The following ANXA8 variants were observed in gnomAD, a reference collection of about 807,000 sequenced individuals.
The protein encoded by ANXA8 is annexin A8, also known as VAC-beta.
Under a neutral mutation model 26.8 loss-of-function variants are expected in ANXA8, and 9 were observed. The observed-to-expected ratio is 0.34, with a 90% confidence interval of 0.20 to 0.59. ANXA8 has a LOEUF of 0.59. Among genes scored for constraint, ANXA8 ranks in the 20% least tolerant of loss-of-function variants. The pLI is 0.84. For synonymous variants in ANXA8, 39 were observed against 94.8 expected, an observed-to-expected ratio of 0.41 and a Z score of 3.42; for missense variants, 83 against 238.5, an observed-to-expected ratio of 0.35 and a Z score of 4.29.
At chr10:47,721,131 G>A in the ANXA8 span, among the ~76,000 whole-genome samples, 1 of 141,748 alleles carries the variant, frequency 7.1e-6, no homozygotes, top group African/African-American at 2.6e-5. Flanking sequence ...TTGTGCAACA[G>A]AGTGAGACCC....
chr10:47,737,619 T>G, the ANXA8 span, among the ~76,000 whole-genome samples: 6 of 151,632 alleles, frequency 4.0e-5, no homozygotes, highest in African/African-American at 1.5e-4. Flanking sequence ...TAAAATTGTT[T>G]TTCTCAGACA....
chr10:47,991,745 C>T, the ANXA8 span: 5 of 1,610,156 alleles, frequency 3.1e-6, no homozygotes, highest in African/African-American at 1.3e-5. Context: ...TGAAGAGACA[C>T]AGGTTGGCCT....
At chr10:47,991,632 C>T in the ANXA8 span, 4 of 1,611,144 alleles carry the variant, frequency 2.5e-6, no homozygotes, top group East Asian at 8.9e-5. Context: ...TGGTGACCAG[C>T]ACCCAACACC....
chr10:47,744,943 C>T, the ANXA8 span, among the ~76,000 whole-genome samples: 1 of 151,928 alleles, frequency 6.6e-6, no homozygotes, highest in Non-Finnish European at 1.5e-5. Context: ...TGTCCAATCC[C>T]ATGTAGGAGT....
At chr10:47,486,802 TA>T (rs1840057461), upstream of ANXA8, among the ~76,000 whole-genome samples, 1 of 133,794 alleles carries the variant, frequency 7.5e-6, no homozygotes, top group Admixed American at 7.7e-5. Context: ...ATAAAAACAA[TA>T]AAAAATAATA....
At chr10:47,693,633 A>G in the ANXA8 span, among the ~76,000 whole-genome samples, 1 of 151,828 alleles carries the variant, frequency 6.6e-6, no homozygotes, top group Non-Finnish European at 1.5e-5. Context: ...ATTGTAATGA[A>G]CAGGCTTAGC....
the ANXA8 span, among the ~76,000 whole-genome samples, chr10:47,657,347 A>G: frequency 2.0e-5 from 3 of 151,710 alleles, no homozygotes; most frequent in Non-Finnish European, 4.4e-5. Context: ...TAAAATTTTA[A>G]TGTTTAGAGA....
chr10:47,684,145 A>C, the ANXA8 span, among the ~76,000 whole-genome samples: 4 of 152,154 alleles, frequency 2.6e-5, no homozygotes, highest in Admixed American at 2.6e-4. Context: ...TGCAAGTTTC[A>C]TCTGGTATCT....
chr10:47,942,840 G>A, the ANXA8 span, among the ~76,000 whole-genome samples: 1 of 145,490 alleles, frequency 6.9e-6, no homozygotes, highest in Admixed American at 6.8e-5. Flanking sequence ...TAAGGCAGAG[G>A]GAGCCTTTAG....
the ANXA8 span, among the ~76,000 whole-genome samples, chr10:47,657,409 G>C: frequency 6.6e-6 from 1 of 151,810 alleles, no homozygotes; most frequent in African/African-American, 2.4e-5. Context: ...TTTGCAGGTA[G>C]AGAAAATGAC....
chr10:47,646,399 C>T, the ANXA8 span, among the ~76,000 whole-genome samples: 3 of 143,986 alleles, frequency 2.1e-5, no homozygotes, highest in Non-Finnish European at 3.0e-5. Flanking sequence ...GTAGATTATA[C>T]ATTTTTTACT....
chr10:47,686,930 G>C, the ANXA8 span, among the ~76,000 whole-genome samples: 1 of 151,126 alleles, frequency 6.6e-6, no homozygotes, highest in East Asian at 1.9e-4. Flanking sequence ...GGGGGCGGGG[G>C]GGTTGGTTTT....
At chr10:47,658,960 C>T in the ANXA8 span, among the ~76,000 whole-genome samples, 1 of 149,568 alleles carries the variant, frequency 6.7e-6, no homozygotes, top group African/African-American at 2.5e-5. Flanking sequence ...CAAGCTCCGC[C>T]TCCCAGGTTC....
the ANXA8 span, among the ~76,000 whole-genome samples, chr10:47,631,568 G>T: frequency 8.0e-5 from 12 of 150,922 alleles, no homozygotes; most frequent in East Asian, 2.1e-3. Flanking sequence ...CTGAATCACT[G>T]GGCCAAGGAC....
At chr10:47,957,446 A>T in the ANXA8 span, among the ~76,000 whole-genome samples, 1 of 150,512 alleles carries the variant, frequency 6.6e-6, no homozygotes, top group African/African-American at 2.5e-5. Flanking sequence ...GCCCCACCTG[A>T]GCCTCTGGTC....
the ANXA8 span, among the ~76,000 whole-genome samples, chr10:47,624,136 G>A: frequency 3.9e-5 from 4 of 103,036 alleles, 2 homozygotes; most frequent in African/African-American, 1.6e-4. Flanking sequence ...CAGCTACTCG[G>A]GAGGCTGAGG....
At chr10:47,558,779 C>T in the ANXA8 span, among the ~76,000 whole-genome samples, 18 of 151,816 alleles carry the variant, frequency 1.2e-4, 1 homozygote, top group Admixed American at 7.9e-4. Flanking sequence ...CTGTTCTGTG[C>T]CCCTGTTTGA....
the ANXA8 span, among the ~76,000 whole-genome samples, chr10:47,688,610 T>TG: frequency 1.3e-5 from 2 of 150,586 alleles, no homozygotes; most frequent in Admixed American, 6.6e-5. Context: ...TTAGTAGAGA[T>TG]GGGGTTTTGC....
the ANXA8 span, among the ~76,000 whole-genome samples, chr10:47,575,215 A>AAAAAAAAAAAAG: frequency 9.0e-6 from 1 of 110,670 alleles, no homozygotes; most frequent in Non-Finnish European, 1.8e-5. Context: ...AAAAAAAAAA[A>AAAAAAAAAAAAG]AAAGAAAGAA....
Sources: allele counts gnomAD v4.1 joint callset (sites outside exome capture counted in the v4.1 genomes callset), GRCh38; gene constraint gnomAD v4.1.1; transcripts MANE v1.5; gene names NCBI Gene and HGNC (gene_info 2026-07-23, HGNC 2026-07-21).